Variants in FRAS1 observed in about 807,000 individuals in gnomAD.
FRAS1 encodes the protein Fraser extracellular matrix complex subunit 1, also known as extracellular matrix organizing protein FRAS1.
FRAS1 carries 290 observed loss-of-function variants against 435.2 expected under a neutral mutation model. The observed-to-expected ratio is 0.67, with a 90% CI of 0.61 to 0.73. The LOEUF (loss-of-function observed/expected upper bound fraction) is 0.73, where lower values mean the gene tolerates loss of function less well. Among genes scored for constraint, FRAS1 ranks in the 30% least tolerant of loss-of-function variants. The pLI is 0.00. For synonymous variants in FRAS1, 1,800 were observed against 1,851.0 expected, an observed-to-expected ratio of 0.97 and a Z score of 0.71; for missense variants, 4,860 against 5,001.5, an observed-to-expected ratio of 0.97 and a Z score of 0.85.
chr4:78,470,386 C>A (rs1169843075), intron 51 of FRAS1, among the ~76,000 whole-genome samples: 1 of 152,040 alleles, frequency 6.6e-6, no homozygotes, highest in Admixed American at 6.5e-5. Context: ...CGTAAGTGGG[C>A]AGTGCAGGGC....
At position 78,450,145 on chromosome 4, in the gene FRAS1, T is replaced by C; in HGVS notation, c.6275-6T>C. Reference sequence around the variant, plus strand: ...AATAACCTACTCTCTTCCGTTCTCTTCCAAGGGTCTGTAGCACGCATCACA... The same window carrying C: ...AATAACCTACTCTCTTCCGTTCTCTCCCAAGGGTCTGTAGCACGCATCACA... On this transcript the variant is annotated splice_polypyrimidine_tract_variant and splice_region_variant and intron_variant, in intron 44 of 73. Coordinates refer to ENST00000512123, the MANE Select transcript of FRAS1 (RefSeq NM_025074.7). 1.2e-6 allele frequency: 2 copies of C among 1,611,584 alleles called. No homozygotes were observed. The highest frequency in any genetic ancestry group is 1.3e-5 in the African/African-American group (1 of 74,962).
chr4:78,540,961 C>T lies in FRAS1; in HGVS notation c.11876C>T (p.Pro3959Leu), dbSNP rs748571027. 7.4e-6 allele frequency: 12 copies of T among 1,613,598 alleles called. No homozygotes were observed. The highest frequency in any genetic ancestry group is 4.5e-5 in the East Asian group (2 of 44,886). The change falls in exon 74 of 74, where the codon CCG (proline) becomes CTG (leucine). Residue 3959 changes from proline to leucine, a missense_variant. By Grantham distance (98) the Pro-to-Leu change is moderately conservative. Coordinates refer to ENST00000512123, the MANE Select transcript of FRAS1 (RefSeq NM_025074.7). ...AAGGTAGAAGTGCCCAAGAGGCACC[C>T]GGACCGGGTGGAGAAGAACGTGAAT... ...NTKVEVPKRHPDRVEKNVNRH... is the reference protein window; with the variant it reads ...NTKVEVPKRHLDRVEKNVNRH...
At chr4:78,114,873 A>T (rs1743036429) in intron 2 of FRAS1, among the ~76,000 whole-genome samples, 2 of 152,174 alleles carry the variant, frequency 1.3e-5, no homozygotes, top group Non-Finnish European at 2.9e-5. Flanking sequence ...TATGTTGAAT[A>T]GGAGTGGTGA....
intron 2 of FRAS1, among the ~76,000 whole-genome samples, chr4:78,115,234 T>C (rs1468344451): frequency 6.6e-6 from 1 of 152,110 alleles, no homozygotes; most frequent in Non-Finnish European, 1.5e-5. Context: ...GGTTTGCCAG[T>C]ATTTTATTGA....
intron 14 of FRAS1, among the ~76,000 whole-genome samples, chr4:78,303,395 A>G (rs1201154402): frequency 6.6e-6 from 1 of 152,186 alleles, no homozygotes; most frequent in Non-Finnish European, 1.5e-5. Flanking sequence ...TTCTGTGAAG[A>G]AAGTCATTGG....
intron 29 of FRAS1, among the ~76,000 whole-genome samples, chr4:78,393,231 A>G (rs930479680): frequency 2.6e-5 from 4 of 151,984 alleles, no homozygotes; most frequent in African/African-American, 9.7e-5. Flanking sequence ...TGGTAACATA[A>G]GCTCTACTAT....
intron 22 of FRAS1, among the ~76,000 whole-genome samples, chr4:78,366,615 C>G (rs1407106037): frequency 6.6e-6 from 1 of 152,198 alleles, no homozygotes; most frequent in Non-Finnish European, 1.5e-5. Flanking sequence ...TGAACCCCCA[C>G]ACTGTGAGGT....
chr4:78,364,516 G>A (rs1333243645), intron 22 of FRAS1, among the ~76,000 whole-genome samples: 1 of 152,052 alleles, frequency 6.6e-6, no homozygotes, highest in Non-Finnish European at 1.5e-5. Context: ...ACAAGGTTTT[G>A]CATGCTGGAA....
At chr4:78,087,960 A>C (rs1348987671) in intron 2 of FRAS1, among the ~76,000 whole-genome samples, 1 of 152,202 alleles carries the variant, frequency 6.6e-6, no homozygotes, top group African/African-American at 2.4e-5. Flanking sequence ...AAGAGCCCTC[A>C]TTGCCAAGTC....
chr4:78,246,642 A>C (rs554310727), intron 4 of FRAS1, among the ~76,000 whole-genome samples: 1 of 152,190 alleles, frequency 6.6e-6, no homozygotes, highest in Admixed American at 6.5e-5. Flanking sequence ...GTTCCGAATG[A>C]TTATGATAAG....
At chr4:78,347,678 C>G (rs969722157) in intron 20 of FRAS1, among the ~76,000 whole-genome samples, 5 of 151,988 alleles carry the variant, frequency 3.3e-5, no homozygotes, top group African/African-American at 1.2e-4. Flanking sequence ...CACTCAAGTT[C>G]AAGTTCCTCT....
intron 66 of FRAS1, among the ~76,000 whole-genome samples, chr4:78,518,441 T>TACAC (rs375812969): frequency 3.8e-5 from 5 of 132,154 alleles, no homozygotes; most frequent in Admixed American, 7.4e-5. Context: ...TATATATATA[T>TACAC]ATATATATAT....
Position 78,344,586 on chromosome 4 carries a change from A to ATT in FRAS1, c.2422+6781_2422+6782dup, listed in dbSNP as rs112149675. On this transcript the variant is annotated intron_variant, in intron 20 of 73. Transcript: ENST00000512123. Reference sequence around the variant, plus strand: ...TGCACACAATCGGGGCTCAAGAATGATTTTTTTTTTTTTGGTTGGTGAATT... The same window carrying ATT: ...TGCACACAATCGGGGCTCAAGAATGATTTTTTTTTTTTTTTGGTTGGTGAATT... Among the ~76,000 whole-genome samples, 35 of 141,714 alleles carry ATT rather than the reference A, an allele frequency of 2.5e-4. 3 individuals carry two copies. The highest frequency in any genetic ancestry group is 5.0e-4 in the African/African-American group (19 of 37,924). 93.0% of individuals were successfully genotyped at this position (141,714 alleles called of 152,430 possible).
chr4:78,195,784 C>A (rs528128020), intron 2 of FRAS1, among the ~76,000 whole-genome samples: 2 of 152,222 alleles, frequency 1.3e-5, no homozygotes, highest in Non-Finnish European at 1.5e-5. Context: ...CACTGTCCTG[C>A]ACCCACTTTC....
intron 59 of FRAS1, among the ~76,000 whole-genome samples, chr4:78,491,596 T>G (rs1179202761): frequency 6.6e-6 from 1 of 152,148 alleles, no homozygotes; most frequent in Non-Finnish European, 1.5e-5. Context: ...TCGACAAACT[T>G]TAACAGCCCT....
At position 78,237,461 on chromosome 4, in the gene FRAS1, C is replaced by T. The variant is rs1266419699; in HGVS notation, c.109-49C>T. The T allele has an allele frequency of 3.8e-6, 5 of 1,322,178 alleles. No individual in the cohort carries two copies. The African/African-American group carries it at 7.3e-5, about 19-fold the overall frequency. The allele number at this position is 1,322,178 out of a possible 1,614,324, so 81.9% of individuals were successfully genotyped here. On this transcript the variant is annotated intron_variant, in intron 2 of 73. Coordinates refer to ENST00000512123, the MANE Select transcript of FRAS1 (RefSeq NM_025074.7). ...ATTGATGGTGCAGCTTTTGTGTGCT[C>T]ATACCTTGACTGATCAGTTTTTAAA...
At chr4:78,268,776 A>G (rs1726500110) in intron 9 of FRAS1, among the ~76,000 whole-genome samples, 2 of 152,202 alleles carry the variant, frequency 1.3e-5, no homozygotes, top group South Asian at 2.1e-4. Context: ...ACACCTGGCT[A>G]TCATGGCATG....
chr4:78,357,402 A>G (rs1311781997), intron 20 of FRAS1, among the ~76,000 whole-genome samples: 1 of 152,200 alleles, frequency 6.6e-6, no homozygotes, highest in African/African-American at 2.4e-5. Flanking sequence ...ACATAGCCCA[A>G]GCCCACTCTA....
Position 78,108,823 on chromosome 4 carries a change from A to G in FRAS1, c.108+42807A>G, listed in dbSNP as rs568332522. On this transcript the variant is annotated intron_variant, in intron 2 of 73. Transcript: ENST00000512123. ...AATGAATCCAGGAGCTGGTTTTTTG[A>G]AAGGATCAACAAAATTGATAGACCG... Among the ~76,000 whole-genome samples the G allele has an allele frequency of 1.4e-4, 17 of 125,710 alleles. 3 individuals are homozygous for G. In the South Asian group the frequency reaches 4.2e-3, roughly 31 times the overall value. The allele number at this position is 125,710 out of a possible 152,430, so 82.5% of individuals were successfully genotyped here. A position where few individuals can be genotyped will look rare whatever the true frequency, so the allele number is the denominator to read the frequency against.
Sources: gnomAD v4.1 joint callset for allele counts (sites outside exome capture counted in the v4.1 genomes callset) on GRCh38, gnomAD v4.1.1 for gene constraint, MANE v1.5 for transcripts, NCBI Gene and HGNC (gene_info 2026-07-23, HGNC 2026-07-21) for gene names.